DYSF: variants seen among roughly 807,000 people sequenced by gnomAD.
DYSF encodes the protein dystrophy-associated fer-1-like 1.
Under a neutral mutation model 274.9 loss-of-function variants are expected in DYSF, and 212 were observed. That is an observed-to-expected ratio of 0.77 (90% confidence interval 0.69 to 0.86). The LOEUF (loss-of-function observed/expected upper bound fraction) is 0.86, where lower values mean the gene tolerates loss of function less well. Ranked by LOEUF, DYSF falls within the 40% of genes least tolerant of loss-of-function variation. The probability of loss-of-function intolerance (pLI) is 0.00; values close to 1 mark genes in which losing one functional copy is unlikely to be tolerated. For missense variants in DYSF, 2,666 were observed against 2,783.2 expected, an observed-to-expected ratio of 0.96 and a Z score of 0.95; for synonymous variants, 1,091 against 1,078.7, an observed-to-expected ratio of 1.01 and a Z score of -0.22.
chr2:71,463,289 C>A (rs1188080985), upstream of DYSF, among the ~76,000 whole-genome samples: 1 of 152,202 alleles, frequency 6.6e-6, no homozygotes, highest in African/African-American at 2.4e-5. Context: ...TTGGACACAA[C>A]TTTGCTCCAC....
chr2:71,618,535 G>GGT (rs1361653334), intron 40 of DYSF, among the ~76,000 whole-genome samples: 4 of 105,868 alleles, frequency 3.8e-5, no homozygotes, highest in Non-Finnish European at 4.3e-5. Context: ...GTAGAGGTGG[G>GGT]GTGTGTGTGT....
chr2:71,668,231 A>G (rs2095052892), intron 48 of DYSF, among the ~76,000 whole-genome samples: 1 of 152,158 alleles, frequency 6.6e-6, no homozygotes, highest in Non-Finnish European at 1.5e-5. Flanking sequence ...GGCCTCCCCA[A>G]AGTGGCACAA....
intron 3 of DYSF, among the ~76,000 whole-genome samples, chr2:71,491,411 ATTTG>A (rs934481494): frequency 2.0e-5 from 3 of 152,148 alleles, no homozygotes; most frequent in Non-Finnish European, 2.9e-5. Flanking sequence ...ACAGACCTTT[ATTTG>A]TTTGTTTTAA....
rs192270197 is a variant in DYSF, at chr2:71,586,959, T to A, written c.3403-2634T>A. On this transcript the variant is annotated intron_variant, in intron 30 of 55. Transcript: ENST00000410020. The stretch of plus-strand genomic sequence containing the variant: ...CCCCTATCCTCCCTACTCCCACTGC[T>A]CCCACCCCTTACCGGTGCCCCAGCA... 4.8e-3 allele frequency among the ~76,000 whole-genome samples: 732 copies of A among 152,224 alleles called. 6 individuals carry two copies. Among genetic ancestry groups the A allele is most frequent in the South Asian group, 0.015 (70 of 4,824 alleles).
intron 3 of DYSF, among the ~76,000 whole-genome samples, chr2:71,482,579 CT>C (rs908818210): frequency 6.6e-5 from 10 of 152,028 alleles, no homozygotes; most frequent in Admixed American, 4.6e-4. Flanking sequence ...CAAAAGCAGG[CT>C]CCCCCTAGGC....
intron 13 of DYSF, among the ~76,000 whole-genome samples, chr2:71,527,273 A>G (rs2088042400): frequency 6.6e-6 from 1 of 152,238 alleles, no homozygotes; most frequent in South Asian, 2.1e-4. Context: ...TGTCCACAGC[A>G]GAGTCAGTGA....
chr2:71,535,417 G>GT, intron 16 of DYSF, 106 bp downstream of exon 16: 1 of 1,227,230 alleles, frequency 8.1e-7, no homozygotes, highest in Admixed American at 1.7e-5. Flanking sequence ...TGAGGGAGAA[G>GT]TTTCAGGTGA....
In DYSF at chr2:71,615,806, C is replaced by T. The variant is rs112894243; in HGVS notation, c.4464+2396C>T. Among the ~76,000 whole-genome samples the T allele has an allele frequency of 0.012, 1,789 of 152,264 alleles. 20 individuals are homozygous for T. The highest frequency in any genetic ancestry group is 0.017 in the Non-Finnish European group (1,150 of 68,016). ...CCCTGGCTTCTGGGGACAGGAGGGA[C>T]GAGAGGTCTGGCAGAATCTGGATTT... On this transcript the variant is annotated intron_variant, in intron 40 of 55. Coordinates refer to ENST00000410020, the MANE Select transcript of DYSF (RefSeq NM_001130987.2). The surrounding 1 kb of genome is among the most constrained non-coding windows in gnomAD (Gnocchi z 4.9).
rs748159785 is a variant in DYSF, at chr2:71,515,615, G to C, written c.760-8G>C. On this transcript the variant is annotated splice_region_variant and splice_polypyrimidine_tract_variant and intron_variant, in intron 7 of 55. Transcript: ENST00000410020. ...TTCCTCCTGCTCTTTCCTCCTTCTG[G>C]CTTTCAGATCAGGGTCCAGGTGATC... 106 of 1,613,598 alleles carry C rather than the reference G, an allele frequency of 6.6e-5. No individual in the cohort carries two copies. The highest frequency in any genetic ancestry group is 8.2e-5 in the Non-Finnish European group (97 of 1,179,810).
intron 30 of DYSF, among the ~76,000 whole-genome samples, chr2:71,577,782 G>C (rs956310383): frequency 1.3e-5 from 2 of 152,134 alleles, no homozygotes; most frequent in South Asian, 4.1e-4. Flanking sequence ...TTTGTCCCGG[G>C]ATGTCCTGAT....
In DYSF at chr2:71,686,550, G is replaced by A; in HGVS notation, c.*58G>A. 6.2e-7 allele frequency: 1 copy of A among 1,602,424 alleles called. No homozygotes were observed. Reference sequence around the variant, plus strand: ...GTCCCCTCCAGCATGGGACTGGCCTGCCTCCTCCGCCCAGCTCGGCGAGCT... The same window carrying A: ...GTCCCCTCCAGCATGGGACTGGCCTACCTCCTCCGCCCAGCTCGGCGAGCT... On this transcript the variant is annotated 3_prime_UTR_variant, in exon 56 of 56. Coordinates refer to ENST00000410020, the MANE Select transcript of DYSF (RefSeq NM_001130987.2).
chr2:71,549,291 A>G (rs1364665755), intron 17 of DYSF: 1 of 1,545,170 alleles, frequency 6.5e-7, no homozygotes, highest in African/African-American at 1.4e-5. Flanking sequence ...TGTTCATGTA[A>G]CCCGTCCTTC....
intron 12 of DYSF, 44 bp from the exon 13 acceptor site, chr2:71,526,176 T>C: frequency 6.2e-7 from 1 of 1,614,136 alleles, no homozygotes; most frequent in Non-Finnish European, 8.5e-7. Flanking sequence ...TAAAACCCTG[T>C]GCTCAGGAGC....
intron 23 of DYSF, among the ~76,000 whole-genome samples, 181 bp from the exon 24 acceptor site, chr2:71,563,877 A>G (rs1333021171): frequency 2.0e-5 from 3 of 152,214 alleles, no homozygotes; most frequent in Non-Finnish European, 2.9e-5. Context: ...CCGCCACTCA[A>G]GCCAGACACT....
In DYSF at chr2:71,600,794, G is replaced by C. The variant is rs774779883; in HGVS notation, c.3849G>C (p.Gln1283His). The C allele has an allele frequency of 2.5e-6, 4 of 1,613,454 alleles. No individual in the cohort carries two copies. Among genetic ancestry groups the C allele is most frequent in the Admixed American group, 3.3e-5 (2 of 60,004 alleles). The change falls in exon 34 of 56, where the codon CAG (glutamine) becomes CAC (histidine). Residue 1283 changes from glutamine to histidine, a missense_variant. Physicochemically the swap from Gln to His is conservative, Grantham distance 24. Coordinates refer to ENST00000410020, the MANE Select transcript of DYSF (RefSeq NM_001130987.2). ...GGTTCCCACTGACGAGGGGCAGCCA[G>C]CCGTCGGGGGAGCTGCTGGCCTCTT... ...LAWFPLTRGS[Q>H]PSGELLASFE...
intron 30 of DYSF, among the ~76,000 whole-genome samples, chr2:71,588,540 G>A (rs796900603): frequency 1.3e-5 from 2 of 152,118 alleles, no homozygotes; most frequent in Non-Finnish European, 2.9e-5. Context: ...AGGTCAGGGT[G>A]GCCCAGCAGA....
intron 28 of DYSF, 31 bp from the exon 29 acceptor site, chr2:71,570,568 A>G: frequency 1.2e-6 from 2 of 1,611,710 alleles, no homozygotes; most frequent in Middle Eastern, 1.7e-4. Flanking sequence ...GGAACTGCCA[A>G]GCAATGAGTG....
chr2:71,555,815 C>T, intron 21 of DYSF, 150 bp from the exon 22 acceptor site: 1 of 695,012 alleles, frequency 1.4e-6, no homozygotes, highest in Non-Finnish European at 2.6e-6. Flanking sequence ...CAGGATAGAC[C>T]CTGGTTTGTT....
In DYSF at chr2:71,601,529, G is replaced by A; in HGVS notation, c.3927+1G>A. 1 of 1,614,156 alleles carries A rather than the reference G, an allele frequency of 6.2e-7. No individual in the cohort carries two copies. Among genetic ancestry groups the A allele is most frequent in the Non-Finnish European group, 8.5e-7 (1 of 1,180,036 alleles). On this transcript the variant is annotated splice_donor_variant, in intron 35 of 55. Coordinates refer to ENST00000410020, the MANE Select transcript of DYSF (RefSeq NM_001130987.2). LOFTEE classifies it high-confidence loss of function. ...CATCCACCATATTCCTGGTTTTGAG[G>A]TAAGTCTTGCTCTGACCTTTCCTTC...
Sources: allele counts gnomAD v4.1 joint callset (sites outside exome capture counted in the v4.1 genomes callset), GRCh38; gene constraint gnomAD v4.1.1; non-coding constraint Gnocchi (gnomAD v3.1); transcripts MANE v1.5; gene names NCBI Gene and HGNC (gene_info 2026-07-23, HGNC 2026-07-21).